Variants in MGAT4A observed in about 807,000 individuals in gnomAD.
The protein encoded by MGAT4A is N-acetylglucosaminyltransferase IVa.
Under a neutral mutation model 74.1 loss-of-function variants are expected in MGAT4A, and 33 were observed. The ratio of observed to expected loss-of-function variants is 0.45; its 90% CI spans 0.34 to 0.60. The LOEUF is 0.60. MGAT4A is among the 20% of genes least tolerant of loss of function. The pLI is 0.02. For missense variants in MGAT4A, 479 were observed against 628.3 expected (o/e 0.76, Z 2.54); for synonymous variants, 198 against 210.4 (o/e 0.94, Z 0.51).
At chr2:98,686,540 G>A (rs368658856) in intron 2 of MGAT4A, among the ~76,000 whole-genome samples, 2 of 151,164 alleles carry the variant, frequency 1.3e-5, no homozygotes, top group African/African-American at 2.4e-5. Context: ...TTTTTTTTTG[G>A]TTTTTTGGTG....
chr2:98,653,982 CTGCA>C (rs1279002404), intron 8 of MGAT4A, among the ~76,000 whole-genome samples: 1 of 151,990 alleles, frequency 6.6e-6, no homozygotes, highest in African/African-American at 2.4e-5. Context: ...GGATTTATAC[CTGCA>C]ATACAGGGAT....
At chr2:98,627,860 A>AT (rs1343332410) in intron 14 of MGAT4A, among the ~76,000 whole-genome samples, 1 of 152,224 alleles carries the variant, frequency 6.6e-6, no homozygotes, top group Non-Finnish European at 1.5e-5. Flanking sequence ...AATTCACAGC[A>AT]TTTGTGATGG....
At chr2:98,676,227 C>G (rs1465098395) in intron 3 of MGAT4A, among the ~76,000 whole-genome samples, 3 of 152,094 alleles carry the variant, frequency 2.0e-5, no homozygotes, top group African/African-American at 4.8e-5. Flanking sequence ...AAATGACTGT[C>G]ATATGTAAAA....
rs924018787 is a variant in MGAT4A at position 98,731,124 on chromosome 2, G to A, written c.-312C>T. ...CGCCGCCGCCGCTGCCGCCGCCGCTGCGGGCCGCCCCGCCCGCCCCGCCGG... is the reference window on the plus strand; with the variant it reads ...CGCCGCCGCCGCTGCCGCCGCCGCTACGGGCCGCCCCGCCCGCCCCGCCGG... On this transcript the variant is annotated 5_prime_UTR_variant, in exon 1 of 16. Transcript: ENST00000393487. The surrounding 1 kb of genome is among the most constrained non-coding windows in gnomAD (Gnocchi z 4.8). 4.5e-5 allele frequency: 6 copies of A among 133,800 alleles called. No individual in the cohort carries two copies. The highest frequency in any genetic ancestry group is 1.7e-4 in the African/African-American group (6 of 34,642). The allele number at this position is 133,800 out of a possible 1,614,324, so 8.3% of individuals were successfully genotyped here.
chr2:98,722,979 C>T (rs1451698556), intron 2 of MGAT4A, among the ~76,000 whole-genome samples: 1 of 152,178 alleles, frequency 6.6e-6, no homozygotes, highest in African/African-American at 2.4e-5. Flanking sequence ...TCACAACACC[C>T]ACCTACAACT....
chr2:98,641,337 G>A (rs929908116), intron 10 of MGAT4A, among the ~76,000 whole-genome samples: 4 of 151,576 alleles, frequency 2.6e-5, no homozygotes, highest in African/African-American at 7.3e-5. Flanking sequence ...CCTGGCCAAC[G>A]TGGTGAAACC....
chr2:98,650,278 C>A (rs1701557994), intron 8 of MGAT4A, among the ~76,000 whole-genome samples: 1 of 151,982 alleles, frequency 6.6e-6, no homozygotes. Flanking sequence ...CCCTAAGGGA[C>A]CTATGGACAG....
intron 2 of MGAT4A, among the ~76,000 whole-genome samples, chr2:98,691,989 A>C (rs1205259827): frequency 6.6e-6 from 1 of 152,246 alleles, no homozygotes; most frequent in Admixed American, 6.5e-5. Flanking sequence ...ATAAAAAACA[A>C]AATATTTTAT....
intron 2 of MGAT4A, among the ~76,000 whole-genome samples, chr2:98,716,002 CA>C (rs1447139363): frequency 6.6e-6 from 1 of 152,208 alleles, no homozygotes; most frequent in Non-Finnish European, 1.5e-5. Context: ...CAACATCACA[CA>C]CCTCCTGATA....
intron 2 of MGAT4A, among the ~76,000 whole-genome samples, chr2:98,723,304 C>T (rs533857971): frequency 2.6e-5 from 4 of 152,148 alleles, no homozygotes; most frequent in Admixed American, 6.5e-5. Context: ...CAGCAGCATG[C>T]GCCAGCAAGA....
At chr2:98,690,277 C>A (rs1702177719) in intron 2 of MGAT4A, among the ~76,000 whole-genome samples, 1 of 152,146 alleles carries the variant, frequency 6.6e-6, no homozygotes, top group Non-Finnish European at 1.5e-5. Flanking sequence ...CTTTCACCAC[C>A]CTCCACCAGT....
chr2:98,624,764 A>G lies in MGAT4A; in HGVS notation c.*802T>C. ...TCTGGGTTGAATGCATCACACTTAC[A>G]CATTGAAAATTTATCAGACTGACTT... On this transcript the variant is annotated 3_prime_UTR_variant, in exon 16 of 16. Coordinates refer to ENST00000393487, the MANE Select transcript of MGAT4A (RefSeq NM_012214.3). 1.0e-6 allele frequency: 1 copy of G among 984,246 alleles called. No homozygotes were observed. The highest frequency in any genetic ancestry group is 1.7e-5 in the African/African-American group (1 of 57,340). The allele number at this position is 984,246 out of a possible 1,614,324, so 61.0% of individuals were successfully genotyped here.
intron 4 of MGAT4A, among the ~76,000 whole-genome samples, chr2:98,667,333 T>C (rs1447776680): frequency 1.3e-5 from 2 of 152,152 alleles, no homozygotes; most frequent in Non-Finnish European, 1.5e-5. Flanking sequence ...GGAAGTGAAT[T>C]TGGAACTGGG....
intron 12 of MGAT4A, 44 bp from the exon 13 acceptor site, chr2:98,636,639 T>C (rs752121440): frequency 1.5e-5 from 23 of 1,539,570 alleles, no homozygotes; most frequent in African/African-American, 1.1e-4. Flanking sequence ...TCGGGCTAGA[T>C]TTTACAAAGA....
Position 98,621,959 on chromosome 2 carries a change from G to A in MGAT4A, c.*3607C>T, listed in dbSNP as rs1701067036. Reference sequence around the variant, plus strand: ...ACAAATACACACATACGTATCTACAGCCTATGTGCTAAATAATCCTTTGTG... The same window carrying A: ...ACAAATACACACATACGTATCTACAACCTATGTGCTAAATAATCCTTTGTG... On this transcript the variant is annotated 3_prime_UTR_variant, in exon 16 of 16. Coordinates refer to ENST00000393487, the MANE Select transcript of MGAT4A (RefSeq NM_012214.3). 4 of 990,694 alleles carry A rather than the reference G, an allele frequency of 4.0e-6. No homozygotes were observed. In the South Asian group the frequency reaches 1.8e-4, roughly 46 times the overall value. The allele number at this position is 990,694 out of a possible 1,614,324, so 61.4% of individuals were successfully genotyped here. A position where few individuals can be genotyped will look rare whatever the true frequency, so the allele number is the denominator to read the frequency against.
chr2:98,665,283 C>T (rs1461121524), intron 4 of MGAT4A, among the ~76,000 whole-genome samples: 2 of 148,766 alleles, frequency 1.3e-5, no homozygotes, highest in African/African-American at 2.5e-5. Flanking sequence ...GAGTCAAGAT[C>T]GCGCCACTGC....
At chr2:98,631,834 C>A (rs891850706) in intron 14 of MGAT4A, among the ~76,000 whole-genome samples, 1 of 152,120 alleles carries the variant, frequency 6.6e-6, no homozygotes, top group African/African-American at 2.4e-5. Context: ...GGCAGGGGGT[C>A]TAATGGCTGG....
intron 14 of MGAT4A, among the ~76,000 whole-genome samples, chr2:98,633,815 C>T (rs952175954): frequency 1.1e-4 from 16 of 152,134 alleles, no homozygotes; most frequent in African/African-American, 3.6e-4. Flanking sequence ...TAATAAGTGA[C>T]AGGTAATGGG....
In MGAT4A at chr2:98,624,566, A is replaced by C; in HGVS notation, c.*1000T>G. On this transcript the variant is annotated 3_prime_UTR_variant, in exon 16 of 16. Coordinates refer to ENST00000393487, the MANE Select transcript of MGAT4A (RefSeq NM_012214.3). The stretch of plus-strand genomic sequence containing the variant: ...AAATTATACCAATTATGACTCATAC[A>C]ATAGCAACACCTAGAAAACATTTTG... 3.0e-6 allele frequency: 3 copies of C among 983,920 alleles called. No homozygotes were observed. Among genetic ancestry groups the C allele is most frequent in the Non-Finnish European group, 3.6e-6 (3 of 828,530 alleles). The allele number at this position is 983,920 out of a possible 1,614,324, so 60.9% of individuals were successfully genotyped here. A position where few individuals can be genotyped will look rare whatever the true frequency, so the allele number is the denominator to read the frequency against.
Sources: allele counts gnomAD v4.1 joint callset (sites outside exome capture counted in the v4.1 genomes callset), GRCh38; gene constraint gnomAD v4.1.1; non-coding constraint Gnocchi (gnomAD v3.1); transcripts MANE v1.5; gene names NCBI Gene and HGNC (gene_info 2026-07-23, HGNC 2026-07-21).